ENTREP2: variants seen among roughly 807,000 people sequenced by gnomAD.
The protein encoded by ENTREP2 is endosomal transmembrane epsin interactor 2.
the ENTREP2 span, among the ~76,000 whole-genome samples, chr15:29,277,207 G>C: frequency 6.6e-6 from 1 of 152,096 alleles, no homozygotes. Context: ...AGCCAGGCCT[G>C]GTGGCGGGTG....
the ENTREP2 span, among the ~76,000 whole-genome samples, chr15:29,291,262 C>G: frequency 6.6e-6 from 1 of 152,144 alleles, no homozygotes; most frequent in Non-Finnish European, 1.5e-5. Context: ...TTTTTTGTTA[C>G]TGCAGCATAG....
the ENTREP2 span, among the ~76,000 whole-genome samples, chr15:29,398,937 C>A: frequency 6.6e-6 from 1 of 151,926 alleles, no homozygotes; most frequent in Admixed American, 6.5e-5. Context: ...CTGTTGAGTT[C>A]ATCAAAAGGG....
At chr15:29,495,202 T>C in the ENTREP2 span, among the ~76,000 whole-genome samples, 30 of 152,358 alleles carry the variant, frequency 2.0e-4, no homozygotes, top group Non-Finnish European at 2.6e-4. Context: ...CACCAACTCT[T>C]GTTATCTGTT....
At chr15:29,495,130 A>G in the ENTREP2 span, among the ~76,000 whole-genome samples, 1 of 152,212 alleles carries the variant, frequency 6.6e-6, no homozygotes, top group Non-Finnish European at 1.5e-5. Context: ...GTTTACCACA[A>G]TGGCAGTACC....
chr15:29,608,031 T>C, the ENTREP2 span, among the ~76,000 whole-genome samples: 1 of 152,144 alleles, frequency 6.6e-6, no homozygotes, highest in African/African-American at 2.4e-5. Context: ...AAGAAAGATG[T>C]AGGCTGGGAG....
the ENTREP2 span, among the ~76,000 whole-genome samples, chr15:29,323,226 G>A: frequency 6.6e-6 from 1 of 152,158 alleles, no homozygotes. Context: ...AGGATTAGAG[G>A]GTTGGGACTT....
chr15:29,326,228 G>A, the ENTREP2 span, among the ~76,000 whole-genome samples: 2 of 152,114 alleles, frequency 1.3e-5, no homozygotes, highest in Non-Finnish European at 2.9e-5. Context: ...CCTAGCTAGT[G>A]CAATAAGACA....
At chr15:29,432,872 TG>T in the ENTREP2 span, among the ~76,000 whole-genome samples, 1 of 152,126 alleles carries the variant, frequency 6.6e-6, no homozygotes, top group Non-Finnish European at 1.5e-5. Flanking sequence ...GGTCCAGCCC[TG>T]GCTCCTGCCT....
At chr15:29,421,314 A>G in the ENTREP2 span, among the ~76,000 whole-genome samples, 2 of 152,318 alleles carry the variant, frequency 1.3e-5, no homozygotes, top group East Asian at 3.9e-4. Context: ...ACTAAATTAA[A>G]CTTGTAACAT....
the ENTREP2 span, among the ~76,000 whole-genome samples, chr15:29,279,362 T>C: frequency 6.6e-6 from 1 of 151,004 alleles, no homozygotes; most frequent in South Asian, 2.1e-4. Context: ...TGCTAAAATT[T>C]AGTTGGGATT....
the ENTREP2 span, among the ~76,000 whole-genome samples, chr15:29,274,470 G>C: frequency 6.6e-6 from 1 of 152,108 alleles, no homozygotes; most frequent in East Asian, 1.9e-4. Context: ...TTTGGGATCA[G>C]ATGAACTAAC....
the ENTREP2 span, among the ~76,000 whole-genome samples, chr15:29,370,022 T>G: frequency 1.3e-5 from 2 of 150,160 alleles, no homozygotes; most frequent in Non-Finnish European, 3.0e-5. Context: ...TGCAGAACCA[T>G]GAGCTAAATA....
chr15:29,548,909 G>A, the ENTREP2 span, among the ~76,000 whole-genome samples: 421 of 152,316 alleles, frequency 2.8e-3, no homozygotes, highest in African/African-American at 9.3e-3. Context: ...GGCTGAGGAG[G>A]TGCTTGTGTA....
the ENTREP2 span, among the ~76,000 whole-genome samples, chr15:29,572,022 A>G: frequency 3.9e-5 from 6 of 152,190 alleles, no homozygotes; most frequent in Admixed American, 2.6e-4. Context: ...TGTAGTCCCA[A>G]AATATCTCGG....
the ENTREP2 span, among the ~76,000 whole-genome samples, chr15:29,422,335 G>A: frequency 1.4e-3 from 220 of 152,228 alleles, 2 homozygotes; most frequent in Non-Finnish European, 1.7e-3. Flanking sequence ...CTGGTGCTGA[G>A]CAGGTTATCT....
chr15:29,321,390 C>T, the ENTREP2 span, among the ~76,000 whole-genome samples: 1,172 of 152,248 alleles, frequency 7.7e-3, 14 homozygotes, highest in Non-Finnish European at 0.012. Flanking sequence ...TGGCTCATGC[C>T]TGTAATCCCA....
the ENTREP2 span, among the ~76,000 whole-genome samples, chr15:29,187,130 C>A: frequency 6.6e-6 from 1 of 152,154 alleles, no homozygotes; most frequent in African/African-American, 2.4e-5. Context: ...AAAACTGCAT[C>A]CGTCATCCTA....
the ENTREP2 span, among the ~76,000 whole-genome samples, chr15:29,356,935 G>C: frequency 1.3e-5 from 2 of 152,162 alleles, no homozygotes; most frequent in African/African-American, 4.8e-5. Context: ...AGATGCCTTT[G>C]GAGGGAAGAG....
the ENTREP2 span, among the ~76,000 whole-genome samples, chr15:29,490,426 C>T: frequency 2.6e-5 from 4 of 152,214 alleles, no homozygotes; most frequent in South Asian, 2.1e-4. Flanking sequence ...CTGCTGGCTC[C>T]GGCAGCCTGC....
Sources: gnomAD v4.1 joint callset for allele counts (sites outside exome capture counted in the v4.1 genomes callset) on GRCh38, gnomAD v4.1.1 for gene constraint, MANE v1.5 for transcripts, NCBI Gene and HGNC (gene_info 2026-07-23, HGNC 2026-07-21) for gene names.